The following CCSER1 variants were observed in gnomAD, a reference collection of about 807,000 sequenced individuals.
The protein encoded by CCSER1 is coiled-coil serine rich protein 1.
A neutral mutation model predicts 82.0 loss-of-function variants in CCSER1; 41 were observed. The observed-to-expected ratio is 0.50, with a 90% CI of 0.39 to 0.65. The LOEUF (loss-of-function observed/expected upper bound fraction) is 0.65, where lower values mean the gene tolerates loss of function less well. Among genes scored for constraint, CCSER1 ranks in the 30% least tolerant of loss-of-function variants. The pLI is 0.00. For missense variants in CCSER1, 1,119 were observed against 1,064.2 expected, an observed-to-expected ratio of 1.05 and a Z score of -0.72; for synonymous variants, 414 against 383.9, an observed-to-expected ratio of 1.08 and a Z score of -0.92.
At chr4:90,786,540 A>G (rs1754544177) in intron 7 of CCSER1, among the ~76,000 whole-genome samples, 2 of 152,048 alleles carry the variant, frequency 1.3e-5, no homozygotes, top group South Asian at 4.1e-4. Context: ...TAAATCTAAA[A>G]CTCTAGTAAA....
intron 9 of CCSER1, among the ~76,000 whole-genome samples, chr4:90,965,295 T>C (rs1218640800): frequency 1.3e-5 from 2 of 152,078 alleles, no homozygotes; most frequent in Non-Finnish European, 2.9e-5. Flanking sequence ...AGGCTTCTTA[T>C]AAATTCTCTG....
At chr4:90,645,090 A>G (rs1284438250) in intron 6 of CCSER1, among the ~76,000 whole-genome samples, 1 of 151,950 alleles carries the variant, frequency 6.6e-6, no homozygotes, top group African/African-American at 2.4e-5. Context: ...CTAAAAAAAA[A>G]AAAAAAGAAA....
At chr4:91,363,757 T>A (rs1022840990) in intron 10 of CCSER1, among the ~76,000 whole-genome samples, 1 of 151,824 alleles carries the variant, frequency 6.6e-6, no homozygotes, top group Non-Finnish European at 1.5e-5. Context: ...GTACCTATTC[T>A]TTGATCAAGA....
At chr4:91,533,600 G>A (rs538759230) in intron 10 of CCSER1, among the ~76,000 whole-genome samples, 1 of 152,144 alleles carries the variant, frequency 6.6e-6, no homozygotes, top group South Asian at 2.1e-4. Context: ...TATAAGCCAG[G>A]ATAAGTCAAA....
At chr4:91,098,996 G>A (rs1724791347) in intron 10 of CCSER1, among the ~76,000 whole-genome samples, 1 of 152,080 alleles carries the variant, frequency 6.6e-6, no homozygotes, top group Non-Finnish European at 1.5e-5. Flanking sequence ...GTATAATTTG[G>A]AAATTATAGG....
In CCSER1 at chr4:90,467,618, G is replaced by A. The variant is rs569819545; in HGVS notation, c.1604-616G>A. 1.0e-3 allele frequency among the ~76,000 whole-genome samples: 156 copies of A among 152,220 alleles called. 2 individuals carry two copies. The South Asian group carries it at 0.012, about 12-fold the overall frequency. ...GAATCCCTTGGACTTGGGAGGCGGAGGTTGCAGTGAGCCAAGATCGTGCCA... is the reference window on the plus strand; with the variant it reads ...GAATCCCTTGGACTTGGGAGGCGGAAGTTGCAGTGAGCCAAGATCGTGCCA... On this transcript the variant is annotated intron_variant, in intron 4 of 10. Transcript: ENST00000509176.
In CCSER1 at chr4:91,181,249, T is replaced by A. The variant is rs557685641; in HGVS notation, c.2217+95255T>A. Among the ~76,000 whole-genome samples, 19 of 152,362 alleles carry A rather than the reference T, an allele frequency of 1.2e-4. 1 individual carries two copies. The South Asian group carries it at 3.9e-3, about 32-fold the overall frequency. On this transcript the variant is annotated intron_variant, in intron 10 of 10. Coordinates refer to ENST00000509176, the MANE Select transcript of CCSER1 (RefSeq NM_001145065.2). ...AAATGCAAAGGCAACTTTGTCACAG[T>A]GAGCTACTTCTCACAGGAGTCAGGA...
At chr4:91,260,785 G>C (rs555967225) in intron 10 of CCSER1, among the ~76,000 whole-genome samples, 26 of 151,680 alleles carry the variant, frequency 1.7e-4, no homozygotes, top group Middle Eastern at 3.4e-3. Flanking sequence ...TTTTGAGAGG[G>C]AGTCTCACTC....
At chr4:91,334,082 T>G (rs1409534041) in intron 10 of CCSER1, among the ~76,000 whole-genome samples, 3 of 152,122 alleles carry the variant, frequency 2.0e-5, no homozygotes, top group African/African-American at 7.2e-5. Context: ...TACTAAAAAA[T>G]TCAGTGTTAT....
chr4:90,249,139 A>G (rs995547390), intron 1 of CCSER1, among the ~76,000 whole-genome samples: 3 of 152,238 alleles, frequency 2.0e-5, no homozygotes, highest in Admixed American at 2.0e-4. Context: ...ACTGTATTCC[A>G]CAGCCCTACT....
chr4:90,873,280 T>C (rs1006627201), intron 8 of CCSER1, among the ~76,000 whole-genome samples: 3 of 152,070 alleles, frequency 2.0e-5, no homozygotes, highest in Non-Finnish European at 4.4e-5. Flanking sequence ...CTTTTTTCTT[T>C]TGCCTCCTCT....
chr4:90,166,810 A>C (rs1730537307), intron 1 of CCSER1, among the ~76,000 whole-genome samples: 2 of 151,998 alleles, frequency 1.3e-5, no homozygotes, highest in Non-Finnish European at 2.9e-5. Flanking sequence ...TTGTATACTA[A>C]TGTGATTTAA....
intron 5 of CCSER1, among the ~76,000 whole-genome samples, chr4:90,587,188 G>T (rs773244133): frequency 2.6e-4 from 39 of 152,190 alleles, no homozygotes; most frequent in Non-Finnish European, 4.9e-4. Context: ...AAATAGTCTT[G>T]CAGGCACCTT....
intron 6 of CCSER1, among the ~76,000 whole-genome samples, chr4:90,648,318 AAAG>A (rs1316171006): frequency 6.6e-6 from 1 of 151,492 alleles, no homozygotes; most frequent in Non-Finnish European, 1.5e-5. Context: ...AGAAAGAAAG[AAAG>A]AAAGAAAGAA....
intron 1 of CCSER1, among the ~76,000 whole-genome samples, chr4:90,269,039 G>T (rs1354371428): frequency 6.6e-6 from 1 of 152,102 alleles, no homozygotes; most frequent in Non-Finnish European, 1.5e-5. Flanking sequence ...AGAGTACCCA[G>T]ATATGTAAGG....
intron 10 of CCSER1, among the ~76,000 whole-genome samples, chr4:91,463,610 AG>A (rs1254726911): frequency 1.3e-5 from 2 of 152,196 alleles, no homozygotes; most frequent in Non-Finnish European, 2.9e-5. Context: ...CCTTCAAAAA[AG>A]ATTAGACGAA....
chr4:90,305,950 GGATT>G (rs1734182932), intron 1 of CCSER1, among the ~76,000 whole-genome samples: 1 of 152,156 alleles, frequency 6.6e-6, no homozygotes, highest in Non-Finnish European at 1.5e-5. Flanking sequence ...GTGGATGAAT[GGATT>G]AAGAAAATGT....
At chr4:90,606,305 C>A (rs1300104915) in intron 5 of CCSER1, among the ~76,000 whole-genome samples, 1 of 152,104 alleles carries the variant, frequency 6.6e-6, no homozygotes, top group Non-Finnish European at 1.5e-5. Flanking sequence ...TGTACTTACA[C>A]AAACCTAGAT....
At chr4:91,425,269 A>G (rs1207541798) in intron 10 of CCSER1, among the ~76,000 whole-genome samples, 2 of 152,072 alleles carry the variant, frequency 1.3e-5, no homozygotes, top group East Asian at 1.9e-4. Flanking sequence ...AAACTTTTTT[A>G]TCTTGAAAAA....
Sources: allele counts gnomAD v4.1 joint callset (sites outside exome capture counted in the v4.1 genomes callset), GRCh38; gene constraint gnomAD v4.1.1; transcripts MANE v1.5; gene names NCBI Gene and HGNC (gene_info 2026-07-23, HGNC 2026-07-21).